Variants in NIN observed in about 807,000 individuals in gnomAD.
The protein encoded by NIN is ninein.
In NIN, 137 loss-of-function variants were observed where a neutral mutation model predicts 257.6. That is an observed-to-expected ratio of 0.53 (90% CI 0.46 to 0.61). NIN has a LOEUF of 0.61. Among genes scored for constraint, NIN ranks in the 20% least tolerant of loss-of-function variants. The pLI is 0.00. For synonymous variants in NIN, 918 were observed against 919.8 expected (o/e 1.00, Z 0.04); for missense variants, 2,439 against 2,501.2 (o/e 0.98, Z 0.53).
chr14:50,806,689 G>C (rs376501703), intron 4 of NIN, 48 bp downstream of exon 4: 5 of 1,022,044 alleles, frequency 4.9e-6, no homozygotes, highest in African/African-American at 1.6e-5. Flanking sequence ...ATTCTTCCCC[G>C]GACAACTTTT....
chr14:50,770,765 G>A (rs999273857), intron 11 of NIN, 87 bp downstream of exon 11: 1 of 1,482,936 alleles, frequency 6.7e-7, no homozygotes, highest in East Asian at 2.3e-5. Context: ...AGAGTCCCCA[G>A]TGCACTGTTC....
In NIN at chr14:50,744,449, C is replaced by T. The variant is rs1214927654; in HGVS notation, c.5065-84G>A. On this transcript the variant is annotated intron_variant, in intron 22 of 30. Transcript: ENST00000530997. The stretch of plus-strand genomic sequence containing the variant: ...GGTATTTCTAAATAGGGCATTTTCA[C>T]AGCTGCTGCTATTTGCCTATCTGTG... 2.0e-5 allele frequency: 28 copies of T among 1,415,708 alleles called. No homozygotes were observed. The East Asian group carries it at 5.3e-4, about 27-fold the overall frequency. 87.7% of individuals were successfully genotyped at this position (1,415,708 alleles called of 1,614,324 possible).
intron 5 of NIN, 23 bp downstream of exon 5, chr14:50,792,687 TGA>T: frequency 6.2e-7 from 1 of 1,613,766 alleles, no homozygotes; most frequent in Non-Finnish European, 8.5e-7. Flanking sequence ...ATGATCCAGA[TGA>T]ACGTGCATGC....
chr14:50,778,675 C>A, intron 6 of NIN, 90 bp downstream of exon 6: 1 of 1,095,978 alleles, frequency 9.1e-7, no homozygotes, highest in Non-Finnish European at 1.4e-6. Context: ...ATTCCCCTGG[C>A]CTGCAGCATA....
intron 29 of NIN, among the ~76,000 whole-genome samples, chr14:50,729,171 G>C (rs2140342137): frequency 6.6e-6 from 1 of 152,202 alleles, no homozygotes; most frequent in South Asian, 2.1e-4. Context: ...TAGAAGCTGA[G>C]AGCTCAAAAG....
At chr14:50,743,844 C>T (rs1047664978) in intron 23 of NIN, among the ~76,000 whole-genome samples, 2 of 151,952 alleles carry the variant, frequency 1.3e-5, no homozygotes, top group African/African-American at 4.8e-5. Context: ...AGGAAGAAAA[C>T]AGAATATCTC....
Position 50,744,374 on chromosome 14 carries a change from G to C in NIN, c.5065-9C>G. 6.2e-7 allele frequency: 1 copy of C among 1,613,070 alleles called. No individual in the cohort carries two copies. The highest frequency in any genetic ancestry group is 8.5e-7 in the Non-Finnish European group (1 of 1,179,548). ...TCGGGACATCTGTGCAGCTGTAAGA[G>C]ATAAACAAATGAGCCCTCCCATCAC... On this transcript the variant is annotated splice_polypyrimidine_tract_variant and intron_variant, in intron 22 of 30. Coordinates refer to ENST00000530997, the MANE Select transcript of NIN (RefSeq NM_020921.4).
intron 3 of NIN, among the ~76,000 whole-genome samples, chr14:50,818,153 C>T (rs999320367): frequency 1.3e-5 from 2 of 151,596 alleles, no homozygotes; most frequent in African/African-American, 4.8e-5. Flanking sequence ...GAAACCCTGT[C>T]TCTACTGAAA....
At chr14:50,753,951 G>A (rs769316036) in intron 20 of NIN, among the ~76,000 whole-genome samples, 12 of 151,336 alleles carry the variant, frequency 7.9e-5, no homozygotes, top group Non-Finnish European at 1.0e-4. Context: ...CCATTTATTT[G>A]TAAGAGTCCA....
chr14:50,758,361 A>T lies in NIN; in HGVS notation c.2669T>A (p.Leu890Gln). The change falls in exon 18 of 31, where the codon CTG becomes CAG. Residue 890 changes from leucine (L) to glutamine (Q), a missense_variant. Leu to Gln is a moderately radical substitution (Grantham distance 113, BLOSUM62 -2). Transcript: ENST00000530997. ...CTCCAGCATCTCTCTCTCCTGGGTCAGGACCAGAGAAGTTGTTTTCTCTCT... is the reference window on the plus strand; with the variant it reads ...CTCCAGCATCTCTCTCTCCTGGGTCTGGACCAGAGAAGTTGTTTTCTCTCT... ...LKREKTTSLV[L>Q]TQEREMLEKT... 6.2e-7 allele frequency: 1 copy of T among 1,614,256 alleles called. No homozygotes were observed. The highest frequency in any genetic ancestry group is 8.5e-7 in the Non-Finnish European group (1 of 1,180,036).
In NIN at chr14:50,743,542, G is replaced by C. The variant is rs546304595; in HGVS notation, c.5188-13C>G. ...TTGATTTTGCCAACTGTTTCAGGAAGGGAAAAAGAGGTAAGAGGGCATTTT... is the reference window on the plus strand; with the variant it reads ...TTGATTTTGCCAACTGTTTCAGGAACGGAAAAAGAGGTAAGAGGGCATTTT... On this transcript the variant is annotated splice_polypyrimidine_tract_variant and intron_variant, in intron 23 of 30. Transcript: ENST00000530997. 1.6e-5 allele frequency: 25 copies of C among 1,558,746 alleles called. No homozygotes were observed. In the South Asian group the frequency reaches 2.7e-4, roughly 17 times the overall value.
chr14:50,826,552 C>T (rs185748142), intron 2 of NIN, among the ~76,000 whole-genome samples: 2 of 152,262 alleles, frequency 1.3e-5, no homozygotes, highest in East Asian at 3.9e-4. Context: ...AATAGGACTG[C>T]AAACTAAATA....
chr14:50,778,723 G>A lies in NIN; in HGVS notation c.475+42C>T. On this transcript the variant is annotated intron_variant, in intron 6 of 30. Transcript: ENST00000530997. Reference sequence around the variant, plus strand: ...GACCGGGTGTGGAGAGCACCCGGCGGCCCTTCCCTTCCAGGCACGTCCTGA... The same window carrying A: ...GACCGGGTGTGGAGAGCACCCGGCGACCCTTCCCTTCCAGGCACGTCCTGA... The A allele has an allele frequency of 1.3e-6, 2 of 1,596,212 alleles. 1 individual carries two copies. The highest frequency in any genetic ancestry group is 3.7e-4 in the Middle Eastern group (2 of 5,478).
rs900112232 is a variant in NIN at position 50,794,761 on chromosome 14, T to TAA, written c.266-1882_266-1881dup. On this transcript the variant is annotated intron_variant, in intron 4 of 30. Transcript: ENST00000530997. The stretch of plus-strand genomic sequence containing the variant: ...TTGCATGCTGCACTTATTCAGAGGT[T>TAA]AAAAAAAAAAAAAAAAAAAGCAGTG... Among the ~76,000 whole-genome samples the TAA allele has an allele frequency of 6.6e-3, 830 of 125,040 alleles. 10 individuals are homozygous for TAA. The highest frequency in any genetic ancestry group is 0.021 in the African/African-American group (754 of 35,082). 82.0% of individuals were successfully genotyped at this position (125,040 alleles called of 152,430 possible). A position where few individuals can be genotyped will look rare whatever the true frequency, so the allele number is the denominator to read the frequency against.
intron 21 of NIN, among the ~76,000 whole-genome samples, chr14:50,748,845 T>C (rs374351463): frequency 6.6e-6 from 1 of 152,192 alleles, no homozygotes; most frequent in Non-Finnish European, 1.5e-5. Flanking sequence ...TCCATGCTCA[T>C]GGATAGGAAG....
chr14:50,755,385 A>T (rs2041973806), intron 18 of NIN, among the ~76,000 whole-genome samples: 1 of 152,050 alleles, frequency 6.6e-6, no homozygotes, highest in African/African-American at 2.4e-5. Flanking sequence ...AGGACTAAAA[A>T]TGGTCTGAAG....
At chr14:50,742,008 C>G (rs2041307807) in intron 24 of NIN, 1 of 314,794 alleles carries the variant, frequency 3.2e-6, no homozygotes, top group African/African-American at 2.1e-5. Context: ...CCAATGGGTG[C>G]CAACTGGCAT....
intron 3 of NIN, among the ~76,000 whole-genome samples, chr14:50,813,856 A>G (rs2044754503): frequency 6.6e-6 from 1 of 152,228 alleles, no homozygotes; most frequent in Non-Finnish European, 1.5e-5. Context: ...TTACTAATAT[A>G]AAGAGAAATT....
Position 50,776,993 on chromosome 14 carries a change from C to A in NIN, c.622G>T (p.Val208Phe), listed in dbSNP as rs139267391. 9.9e-6 allele frequency: 16 copies of A among 1,613,992 alleles called. No individual in the cohort carries two copies. Among genetic ancestry groups the A allele is most frequent in the Non-Finnish European group, 1.3e-5 (15 of 1,179,992 alleles). Reference sequence around the variant, plus strand: ...AAACCATACTGCTCACAGATGGAGACCAGCTTCTTCCGGTTCAGGTGACCA... The same window carrying A: ...AAACCATACTGCTCACAGATGGAGAACAGCTTCTTCCGGTTCAGGTGACCA... ...RDGHLNRKKL[V>F]SICEQYGLQN... Residue 208 changes from valine to phenylalanine, a missense_variant, in exon 7 of 31, where the codon GTC (valine) becomes TTC (phenylalanine). By Grantham distance (50) the Val-to-Phe change is conservative. Transcript: ENST00000530997.
Sources: allele counts gnomAD v4.1 joint callset (sites outside exome capture counted in the v4.1 genomes callset), GRCh38; gene constraint gnomAD v4.1.1; transcripts MANE v1.5; gene names NCBI Gene and HGNC (gene_info 2026-07-23, HGNC 2026-07-21).